GEN1: variants seen among roughly 807,000 people sequenced by gnomAD.
GEN1 encodes flap endonuclease GEN homolog 1.
A neutral mutation model predicts 67.6 loss-of-function variants in GEN1; 64 were observed. The ratio of observed to expected loss-of-function variants is 0.95; its 90% confidence interval spans 0.77 to 1.17. The LOEUF (loss-of-function observed/expected upper bound fraction) is 1.17, where lower values mean the gene tolerates loss of function less well. Ranked by LOEUF, GEN1 falls within the 50% of genes most tolerant of loss-of-function variation. GEN1 has a pLI of 0.00. For synonymous variants in GEN1, 371 were observed against 359.4 expected (o/e 1.03, Z -0.37); for missense variants, 1,058 against 1,048.3 (o/e 1.01, Z -0.13).
At chr2:17,754,937 A>G (rs1671343035) in intron 1 of GEN1, 1 of 152,146 alleles carries the variant, frequency 6.6e-6, no homozygotes, top group South Asian at 2.1e-4. Flanking sequence ...CTTCCCATGA[A>G]TATGCTGACC....
At chr2:17,769,019 A>G (rs776067804) in intron 6 of GEN1, among the ~76,000 whole-genome samples, 29 of 150,476 alleles carry the variant, frequency 1.9e-4, no homozygotes, top group Non-Finnish European at 4.1e-4. Context: ...GCCGTATTGC[A>G]TTTTTTTTTC....
chr2:17,760,196 G>A, intron 2 of GEN1, 92 bp downstream of exon 2: 1 of 1,228,892 alleles, frequency 8.1e-7, no homozygotes, highest in Admixed American at 2.6e-5. Context: ...TTTTGTTGTT[G>A]TTATTCTTTT....
In GEN1 at chr2:17,774,176, G is replaced by A. The variant is rs1039651044; in HGVS notation, c.1072-95G>A. Reference sequence around the variant, plus strand: ...TCTCATTGATACTACTTTAACTTACGTTAATTCTAAAGGAAAAAATATTAA... The same window carrying A: ...TCTCATTGATACTACTTTAACTTACATTAATTCTAAAGGAAAAAATATTAA... On this transcript the variant is annotated intron_variant, in intron 10 of 13. Coordinates refer to ENST00000381254, the MANE Select transcript of GEN1 (RefSeq NM_001130009.3). 22 of 555,100 alleles carry A rather than the reference G, an allele frequency of 4.0e-5. No homozygotes were observed. The Middle Eastern group carries it at 2.3e-3, about 57-fold the overall frequency. 34.4% of individuals were successfully genotyped at this position (555,100 alleles called of 1,614,324 possible). A position where few individuals can be genotyped will look rare whatever the true frequency, so the allele number is the denominator to read the frequency against.
intron 11 of GEN1, among the ~76,000 whole-genome samples, chr2:17,776,154 T>G (rs187588522): frequency 3.3e-5 from 5 of 150,398 alleles, no homozygotes; most frequent in African/African-American, 9.8e-5. Flanking sequence ...TTAATCTGTA[T>G]CTAATCATGA....
In GEN1 at chr2:17,778,199, T is replaced by TAG. The variant is rs1221572438; in HGVS notation, c.1264+137_1264+138insGA. ...GTATATATATATATACACACACACA[T>TAG]ATATGTGTATATATATGTATACACA... On this transcript the variant is annotated intron_variant, in intron 12 of 13. Coordinates refer to ENST00000381254, the MANE Select transcript of GEN1 (RefSeq NM_001130009.3). 1.4e-3 allele frequency: 171 copies of TAG among 120,794 alleles called. 9 individuals carry two copies. Among genetic ancestry groups the TAG allele is most frequent in the Admixed American group, 0.012 (89 of 7,650 alleles). 7.5% of individuals were successfully genotyped at this position (120,794 alleles called of 1,614,324 possible).
At chr2:17,765,277 T>G (rs1671874469) in intron 4 of GEN1, 3 of 508,890 alleles carry the variant, frequency 5.9e-6, no homozygotes, top group Non-Finnish European at 1.0e-5. Context: ...AGAACTTGAC[T>G]TGTTTGTTTC....
intron 12 of GEN1, 81 bp downstream of exon 12, chr2:17,778,144 A>ATATATATACACACACATAGATATGTG (rs1672532313): frequency 3.3e-5 from 19 of 582,600 alleles, no homozygotes; most frequent in South Asian, 3.0e-4. Context: ...ATGTGTATAT[A>ATATATATACACACACATAGATATGTG]TATATATATA....
chr2:17,771,436 T>G, intron 7 of GEN1, 149 bp downstream of exon 7: 1 of 608,464 alleles, frequency 1.6e-6, no homozygotes, highest in East Asian at 2.8e-5. Context: ...TGCAGTCAGT[T>G]TTGTTATATA....
intron 5 of GEN1, among the ~76,000 whole-genome samples, chr2:17,767,995 A>G (rs1175846072): frequency 6.6e-6 from 1 of 152,182 alleles, no homozygotes; most frequent in African/African-American, 2.4e-5. Flanking sequence ...GATTCTGGGT[A>G]TAGGTGGATT....
chr2:17,768,383 A>T (rs1373865499), intron 5 of GEN1, among the ~76,000 whole-genome samples: 2 of 152,244 alleles, frequency 1.3e-5, no homozygotes, highest in Admixed American at 6.5e-5. Context: ...ACAAACATAA[A>T]GTTAGGTTAA....
At position 17,781,857 on chromosome 2, in the gene GEN1, A is replaced by G; in HGVS notation, c.2645A>G (p.Lys882Arg). The G allele has an allele frequency of 6.2e-7, 1 of 1,604,484 alleles. No homozygotes were observed. Among genetic ancestry groups the G allele is most frequent in the Non-Finnish European group, 8.5e-7 (1 of 1,177,494 alleles). The change falls in exon 14 of 14, where the codon AAG (lysine) becomes AGG (arginine). Residue 882 changes from lysine to arginine, a missense_variant. By Grantham distance (26) the Lys-to-Arg change is conservative. Coordinates refer to ENST00000381254, the MANE Select transcript of GEN1 (RefSeq NM_001130009.3). ...KSSLSSLQCH[K>R]KENNSGTCLD... ...TCTCTGAGTTCTCTACAATGTCATA[A>G]GAAAGAAAACAACTCTGGTACTTGT...
At chr2:17,766,753 A>G (rs1671954868) in intron 5 of GEN1, 64 bp downstream of exon 5, 8 of 808,002 alleles carry the variant, frequency 9.9e-6, no homozygotes, top group Admixed American at 2.0e-5. Context: ...TATGTGCTGT[A>G]TAAATATGAA....
At position 17,778,403 on chromosome 2, in the gene GEN1, T is replaced by TATATGTGTGTACATATATGTATATAC. The variant is rs1672644996; in HGVS notation, c.1264+341_1264+342insTATGTGTGTACATATATGTATATACA. On this transcript the variant is annotated intron_variant, in intron 12 of 13. Transcript: ENST00000381254. The stretch of plus-strand genomic sequence containing the variant: ...ATATATGTGTGTACATATATGTATA[T>TATATGTGTGTACATATATGTATATAC]ACACACATATATGTGTGTACATATA... Among the ~76,000 whole-genome samples, 11 of 42,158 alleles carry TATATGTGTGTACATATATGTATATAC rather than the reference T, an allele frequency of 2.6e-4. 4 individuals are homozygous for TATATGTGTGTACATATATGTATATAC. The highest frequency in any genetic ancestry group is 4.9e-4 in the Non-Finnish European group (10 of 20,270). 27.7% of individuals were successfully genotyped at this position (42,158 alleles called of 152,430 possible).
chr2:17,777,393 A>G (rs1672483803), intron 11 of GEN1, among the ~76,000 whole-genome samples: 1 of 152,216 alleles, frequency 6.6e-6, no homozygotes, highest in South Asian at 2.1e-4. Flanking sequence ...CCTGCTAGAA[A>G]TATAATCTCT....
intron 1 of GEN1, chr2:17,754,721 C>T (rs1012248770): frequency 6.6e-6 from 1 of 152,240 alleles, no homozygotes; most frequent in African/African-American, 2.4e-5. Flanking sequence ...GTTCCCTTTT[C>T]CGTGTTAACC....
chr2:17,769,735 CA>C (rs1672099417), intron 6 of GEN1, among the ~76,000 whole-genome samples: 1 of 152,062 alleles, frequency 6.6e-6, no homozygotes, highest in Non-Finnish European at 1.5e-5. Context: ...TAGAAGTTAA[CA>C]AACTATGCTA....
chr2:17,778,347 C>T (rs77431861), intron 12 of GEN1, among the ~76,000 whole-genome samples: 2,505 of 35,126 alleles, frequency 0.071, 790 homozygotes, highest in East Asian at 0.34. Context: ...TATACACACA[C>T]ATGTGTGTAC....
rs114109952 is a variant in GEN1, at chr2:17,761,011, A to G, written c.162-385A>G. The stretch of plus-strand genomic sequence containing the variant: ...TTTGCGAGGCTGAGATGGGCGGATT[A>G]TTTGAGCTCAGGAGTTCAAGACCAG... On this transcript the variant is annotated intron_variant, in intron 2 of 13. Coordinates refer to ENST00000381254, the MANE Select transcript of GEN1 (RefSeq NM_001130009.3). Among the ~76,000 whole-genome samples the G allele has an allele frequency of 4.7e-3, 720 of 151,762 alleles. 4 individuals carry two copies. The highest frequency in any genetic ancestry group is 0.016 in the African/African-American group (667 of 41,370).
intron 10 of GEN1, among the ~76,000 whole-genome samples, chr2:17,773,597 A>G (rs1672293383): frequency 1.3e-5 from 2 of 152,120 alleles, no homozygotes; most frequent in African/African-American, 2.4e-5. Context: ...AAGATCAAGT[A>G]TATAATTATG....
Sources: allele counts gnomAD v4.1 joint callset (sites outside exome capture counted in the v4.1 genomes callset), GRCh38; gene constraint gnomAD v4.1.1; transcripts MANE v1.5; gene names NCBI Gene and HGNC (gene_info 2026-07-23, HGNC 2026-07-21).